HECTD2: variants seen among roughly 807,000 people sequenced by gnomAD.
HECTD2 encodes the protein probable E3 ubiquitin-protein ligase HECTD2.
A neutral mutation model predicts 103.2 loss-of-function variants in HECTD2; 35 were observed. That is an observed-to-expected ratio of 0.34 (90% CI 0.26 to 0.45). The LOEUF is 0.45. HECTD2 is among the 20% of genes least tolerant of loss of function. The pLI is 1.00. For synonymous variants in HECTD2, 281 were observed against 329.9 expected (o/e 0.85, Z 1.61); for missense variants, 596 against 937.4 (o/e 0.64, Z 4.76).
chr10:91,441,908 C>CTTTT (rs1475951990), intron 2 of HECTD2, among the ~76,000 whole-genome samples: 1 of 47,676 alleles, frequency 2.1e-5, no homozygotes, highest in African/African-American at 8.4e-5. Context: ...TTTTTTTTTT[C>CTTTT]TTTTTTTTTT....
chr10:91,500,708 A>C (rs1846866936), intron 19 of HECTD2, 91 bp downstream of exon 19: 1 of 650,606 alleles, frequency 1.5e-6, no homozygotes. Flanking sequence ...CAATCTTTGA[A>C]TCAATTAAGT....
chr10:91,490,041 T>C (rs191699002), intron 11 of HECTD2: 1 of 152,262 alleles, frequency 6.6e-6, no homozygotes, highest in Admixed American at 6.5e-5. Flanking sequence ...AATATATTGT[T>C]TTTTACCTAT....
intron 5 of HECTD2, among the ~76,000 whole-genome samples, chr10:91,467,082 C>T (rs1394392673): frequency 2.0e-5 from 3 of 152,002 alleles, no homozygotes; most frequent in Admixed American, 2.0e-4. Flanking sequence ...CTGAAGGGAG[C>T]TGGGAAACCT....
intron 6 of HECTD2, among the ~76,000 whole-genome samples, chr10:91,479,763 A>T (rs1022837998): frequency 3.3e-5 from 5 of 152,194 alleles, no homozygotes; most frequent in African/African-American, 1.2e-4. Flanking sequence ...CAAAGCAGTT[A>T]TGATAATGTA....
chr10:91,496,708 G>A (rs1846679274), intron 15 of HECTD2, among the ~76,000 whole-genome samples: 1 of 151,952 alleles, frequency 6.6e-6, no homozygotes, highest in South Asian at 2.1e-4. Context: ...TTTAAATGAT[G>A]ACAATTATAT....
chr10:91,511,666 C>T (rs1847423162), intron 20 of HECTD2, among the ~76,000 whole-genome samples: 1 of 152,038 alleles, frequency 6.6e-6, no homozygotes, highest in South Asian at 2.1e-4. Context: ...CTTGCACGTG[C>T]AGTTCACAAT....
intron 2 of HECTD2, among the ~76,000 whole-genome samples, chr10:91,438,890 C>G (rs1844260522): frequency 6.6e-6 from 1 of 152,094 alleles, no homozygotes; most frequent in South Asian, 2.1e-4. Flanking sequence ...TAAGAGGTGT[C>G]TGTTCATATC....
chr10:91,494,081 G>T (rs1187865793), intron 14 of HECTD2, among the ~76,000 whole-genome samples: 2 of 151,908 alleles, frequency 1.3e-5, no homozygotes, highest in Admixed American at 1.3e-4. Flanking sequence ...TTCTGCATTG[G>T]GTAGGAGATT....
intron 2 of HECTD2, among the ~76,000 whole-genome samples, chr10:91,429,106 A>G (rs1291573198): frequency 6.6e-6 from 1 of 151,842 alleles, no homozygotes; most frequent in Non-Finnish European, 1.5e-5. Flanking sequence ...GAATTTTGTC[A>G]AAGGCCTTTT....
At chr10:91,427,500 T>C (rs1416557813) in intron 2 of HECTD2, among the ~76,000 whole-genome samples, 1 of 152,160 alleles carries the variant, frequency 6.6e-6, no homozygotes, top group African/African-American at 2.4e-5. Flanking sequence ...CACCACATCC[T>C]CTCCAGCACC....
intron 20 of HECTD2, among the ~76,000 whole-genome samples, chr10:91,504,793 C>G (rs1365786988): frequency 6.6e-6 from 1 of 151,714 alleles, no homozygotes; most frequent in Non-Finnish European, 1.5e-5. Flanking sequence ...AAAGATACTC[C>G]TCGAGAAGAG....
At chr10:91,488,346 A>C (rs1314559221) in intron 11 of HECTD2, 2 of 152,894 alleles carry the variant, frequency 1.3e-5, no homozygotes, top group East Asian at 3.8e-4. Context: ...GGCAAATTGT[A>C]GAGCAGTATG....
At chr10:91,431,412 T>C (rs1843861275) in intron 2 of HECTD2, among the ~76,000 whole-genome samples, 1 of 152,234 alleles carries the variant, frequency 6.6e-6, no homozygotes, top group South Asian at 2.1e-4. Context: ...ATTTCCTGAA[T>C]CTGAATGTTG....
chr10:91,424,980 G>A (rs1488233529), intron 1 of HECTD2, among the ~76,000 whole-genome samples: 5 of 152,138 alleles, frequency 3.3e-5, no homozygotes, highest in African/African-American at 7.2e-5. Flanking sequence ...GGTGTATAAT[G>A]TGCAAGGAAC....
intron 2 of HECTD2, among the ~76,000 whole-genome samples, chr10:91,449,297 C>G (rs1329947400): frequency 1.3e-5 from 2 of 151,954 alleles, no homozygotes; most frequent in Non-Finnish European, 2.9e-5. Context: ...ACAAAAAACA[C>G]TTAATTACCT....
chr10:91,439,296 G>A (rs1296374918), intron 2 of HECTD2, among the ~76,000 whole-genome samples: 1 of 152,078 alleles, frequency 6.6e-6, no homozygotes, highest in Admixed American at 6.6e-5. Flanking sequence ...TCTGCATATG[G>A]CTAGCCAGTT....
At chr10:91,439,642 G>A (rs1218481415) in intron 2 of HECTD2, among the ~76,000 whole-genome samples, 1 of 152,018 alleles carries the variant, frequency 6.6e-6, no homozygotes, top group Admixed American at 6.5e-5. Context: ...GCTTGATGGG[G>A]ATAGCATTGA....
chr10:91,437,414 C>T lies in HECTD2; in HGVS notation c.268+12004C>T, dbSNP rs536310630. The stretch of plus-strand genomic sequence containing the variant: ...AGACAAACATCTCAAAAGAGAGAGC[C>T]AAGCACAAATGTTATTGCCTTTTAA... On this transcript the variant is annotated intron_variant, in intron 2 of 20. Transcript: ENST00000298068. 2.0e-5 allele frequency among the ~76,000 whole-genome samples: 3 copies of T among 152,128 alleles called. No individual in the cohort carries two copies. In the East Asian group the frequency reaches 5.8e-4, roughly 29 times the overall value.
chr10:91,427,872 T>C (rs987074760), intron 2 of HECTD2, among the ~76,000 whole-genome samples: 4 of 151,934 alleles, frequency 2.6e-5, no homozygotes, highest in African/African-American at 9.7e-5. Context: ...CAGAAGCTCT[T>C]TAGTTTAATT....
Sources: gnomAD v4.1 joint callset for allele counts (sites outside exome capture counted in the v4.1 genomes callset) on GRCh38, gnomAD v4.1.1 for gene constraint, MANE v1.5 for transcripts, NCBI Gene and HGNC (gene_info 2026-07-23, HGNC 2026-07-21) for gene names.